The following BPIFB3 variants were observed in gnomAD, a reference collection of about 807,000 sequenced individuals.
BPIFB3 encodes the protein BPI fold containing family B member 3, also known as BPI fold-containing family B member 3.
In BPIFB3, 49 loss-of-function variants were observed where a neutral mutation model predicts 53.1. The observed-to-expected ratio is 0.92, with a 90% confidence interval of 0.73 to 1.17. BPIFB3 has a LOEUF of 1.17. Among genes scored for constraint, BPIFB3 ranks in the 50% most tolerant of loss-of-function variants. BPIFB3 has a pLI of 0.00. For synonymous variants in BPIFB3, 271 were observed against 269.6 expected (o/e 1.01, Z -0.05); for missense variants, 628 against 592.5 (o/e 1.06, Z -0.62).
exon 7 of BPIFB3, chr20:33,064,527 G>A: frequency 6.2e-7 from 1 of 1,614,058 alleles, no homozygotes; most frequent in Non-Finnish European, 8.5e-7. Context: ...TCTCCAACCA[G>A]TACATAGAAC....
intron 13 of BPIFB3, among the ~76,000 whole-genome samples, 185 bp from the exon 15 acceptor site, chr20:33,072,532 T>C (rs1406481066): frequency 6.6e-6 from 1 of 152,110 alleles, no homozygotes; most frequent in Non-Finnish European, 1.5e-5. Context: ...CAATACAGAA[T>C]AGGGACATTT....
chr20:33,067,519 C>A (rs1208494585), intron 9 of BPIFB3, among the ~76,000 whole-genome samples: 1 of 152,208 alleles, frequency 6.6e-6, no homozygotes, highest in Non-Finnish European at 1.5e-5. Flanking sequence ...AGAGGACAAA[C>A]TCTGTGAGTT....
chr20:33,067,223 A>G (rs1980706724), intron 9 of BPIFB3, among the ~76,000 whole-genome samples: 2 of 152,192 alleles, frequency 1.3e-5, no homozygotes, highest in Non-Finnish European at 2.9e-5. Flanking sequence ...CCCCAGAGAA[A>G]AGACTAGGGC....
intron 11 of BPIFB3, 118 bp from the exon 13 acceptor site, chr20:33,071,135 G>A (rs1177081872): frequency 4.7e-6 from 5 of 1,062,042 alleles, no homozygotes; most frequent in Non-Finnish European, 1.3e-6. Flanking sequence ...GATAGAGGCA[G>A]AGTGTTGGGC....
At chr20:33,060,126 G>A in intron 4 of BPIFB3, 95 bp downstream of exon 5, 1 of 1,514,542 alleles carries the variant, frequency 6.6e-7, no homozygotes, top group East Asian at 2.3e-5. Context: ...GCTGCCAGCT[G>A]CGGGGGCCTG....
chr20:33,064,930 C>T, intron 8 of BPIFB3, 85 bp downstream of exon 9: 1 of 1,441,658 alleles, frequency 6.9e-7, no homozygotes, highest in Non-Finnish European at 9.4e-7. Flanking sequence ...AGGCCCTGAT[C>T]AGCCTTGCTG....
chr20:33,055,429 G>C (rs1436537241), exon 1 of BPIFB3: 1 of 1,613,522 alleles, frequency 6.2e-7, no homozygotes, highest in East Asian at 2.2e-5. Context: ...TAGGCATGCA[G>C]CCAGTCATGC....
chr20:33,061,656 C>T, intron 4 of BPIFB3, 112 bp from the exon 6 acceptor site: 1 of 1,064,120 alleles, frequency 9.4e-7, no homozygotes, highest in South Asian at 1.5e-5. Context: ...CAACACCACC[C>T]CCAAGAGAAG....
chr20:33,069,108 G>A (rs1039219502), intron 10 of BPIFB3, 135 bp downstream of exon 11: 16 of 965,978 alleles, frequency 1.7e-5, no homozygotes, highest in Middle Eastern at 3.2e-4. Flanking sequence ...GAAGCCCCCC[G>A]CCCCACAACC....
Position 33,059,872 on chromosome 20 carries a change from C to G in BPIFB3, c.387-19C>G. The G allele has an allele frequency of 1.2e-6, 2 of 1,612,378 alleles. No homozygotes were observed. The highest frequency in any genetic ancestry group is 1.7e-6 in the Non-Finnish European group (2 of 1,179,240). ...GGGAGCTGGCTGCCTGGCCACACCCCCAGTGTCCTTTCTTGCAGCCCCCTT... is the reference window on the plus strand; with the variant it reads ...GGGAGCTGGCTGCCTGGCCACACCCGCAGTGTCCTTTCTTGCAGCCCCCTT... On this transcript the variant is annotated intron_variant, in intron 3 of 14. Transcript: ENST00000375494.
exon 1 of BPIFB3, chr20:33,055,448 T>C (rs1568991680): frequency 6.2e-7 from 1 of 1,613,610 alleles, no homozygotes; most frequent in African/African-American, 1.3e-5. Context: ...GCTGGCCCTG[T>C]GGTCCCTGCT....
At chr20:33,059,936 A>G in exon 4 of BPIFB3, 1 of 1,614,126 alleles carries the variant, frequency 6.2e-7, no homozygotes, top group South Asian at 1.1e-5. Context: ...TGAACGTGAC[A>G]TCGCGGGTGG....
exon 4 of BPIFB3, chr20:33,059,968 G>A (rs370279306): frequency 1.2e-6 from 2 of 1,614,128 alleles, no homozygotes; most frequent in Admixed American, 3.3e-5. Flanking sequence ...AGCTCAAGGG[G>A]CACACCCATC....
At chr20:33,056,208 A>G (rs1980195111) in intron 1 of BPIFB3, among the ~76,000 whole-genome samples, 2 of 151,880 alleles carry the variant, frequency 1.3e-5, no homozygotes, top group African/African-American at 4.8e-5. Context: ...CCCCAACCCA[A>G]TTTGCTGTGT....
chr20:33,054,103 G>A (rs372914497), upstream of BPIFB3, among the ~76,000 whole-genome samples: 4 of 152,270 alleles, frequency 2.6e-5, no homozygotes, highest in East Asian at 5.8e-4. Context: ...GAGGGTGGAT[G>A]AAGAGAAAAA....
At chr20:33,073,411 G>A (rs192214177) in intron 14 of BPIFB3, among the ~76,000 whole-genome samples, 165 bp from the exon 16 acceptor site, 1 of 152,316 alleles carries the variant, frequency 6.6e-6, no homozygotes, top group East Asian at 1.9e-4. Flanking sequence ...GTCAGAGCCT[G>A]TCCCACACTG....
Position 33,073,558 on chromosome 20 carries a change from A to G in BPIFB3, c.1402-18A>G. ...GCAGAGACTCAGGGGTGTAACCAAGAGCGGTTGTTCCTTACAGAATGCTGT... is the reference window on the plus strand; with the variant it reads ...GCAGAGACTCAGGGGTGTAACCAAGGGCGGTTGTTCCTTACAGAATGCTGT... On this transcript the variant is annotated intron_variant, in intron 14 of 14. Transcript: ENST00000375494. 1 of 1,613,850 alleles carries G rather than the reference A, an allele frequency of 6.2e-7. No individual in the cohort carries two copies. The highest frequency in any genetic ancestry group is 8.5e-7 in the Non-Finnish European group (1 of 1,179,880).
intron 11 of BPIFB3, among the ~76,000 whole-genome samples, chr20:33,070,333 T>A (rs1384683458): frequency 6.6e-6 from 1 of 152,226 alleles, no homozygotes; most frequent in Non-Finnish European, 1.5e-5. Flanking sequence ...GTGGACTTGT[T>A]ACTTGTTACT....
intron 4 of BPIFB3, among the ~76,000 whole-genome samples, chr20:33,061,337 ATCATTCATTCATTCAT>A (rs4012503): frequency 1.4e-4 from 21 of 151,152 alleles, no homozygotes; most frequent in African/African-American, 5.1e-4. Context: ...TCCTCAGGCC[ATCATTCATTCATTCAT>A]TCATTCATTC....
Sources: allele counts gnomAD v4.1 joint callset (sites outside exome capture counted in the v4.1 genomes callset), GRCh38; gene constraint gnomAD v4.1.1; transcripts MANE v1.5; gene names NCBI Gene and HGNC (gene_info 2026-07-23, HGNC 2026-07-21).